Variants in DCC observed in about 807,000 individuals in gnomAD.
DCC encodes netrin receptor DCC.
In DCC, 58 loss-of-function variants were observed where a neutral mutation model predicts 172.5. That is an observed-to-expected ratio of 0.34 (90% CI 0.27 to 0.42). The LOEUF (loss-of-function observed/expected upper bound fraction) is 0.42, where lower values mean the gene tolerates loss of function less well. Among genes scored for constraint, DCC ranks in the 10% least tolerant of loss-of-function variants. The pLI is 1.00. For missense variants in DCC, 1,740 were observed against 1,791.0 expected (o/e 0.97, Z 0.51); for synonymous variants, 709 against 644.5 (o/e 1.10, Z -1.52).
At chr18:52,380,631 T>C (rs1036211362) in intron 1 of DCC, among the ~76,000 whole-genome samples, 3 of 152,154 alleles carry the variant, frequency 2.0e-5, no homozygotes, top group African/African-American at 7.2e-5. Context: ...CTGAATATCT[T>C]AGGTGATTTT....
intron 12 of DCC, among the ~76,000 whole-genome samples, chr18:53,255,712 C>CT (rs2056501271): frequency 6.6e-6 from 1 of 152,046 alleles, no homozygotes; most frequent in Non-Finnish European, 1.5e-5. Context: ...TTTTATATTC[C>CT]TTTGGGTATA....
intron 8 of DCC, 78 bp from the exon 9 acceptor site, chr18:53,178,884 C>CTCT: frequency 2.0e-6 from 3 of 1,528,262 alleles, no homozygotes; most frequent in Non-Finnish European, 2.7e-6. Flanking sequence ...CACCTCACTA[C>CTCT]TCTTGCACAT....
At chr18:52,874,138 C>A (rs1431748) in intron 2 of DCC, among the ~76,000 whole-genome samples, 85,540 of 152,000 alleles carry the variant, frequency 0.56, 24,661 homozygotes, top group Non-Finnish European at 0.64. Context: ...AACACTTACC[C>A]TAAACTTAAA....
At position 53,459,266 on chromosome 18, in the gene DCC, G is replaced by A. The variant is rs948508381; in HGVS notation, c.3427G>A (p.Gly1143Ser). 43 of 1,613,950 alleles carry A rather than the reference G, an allele frequency of 2.7e-5. No individual in the cohort carries two copies. Among genetic ancestry groups the A allele is most frequent in the Non-Finnish European group, 3.4e-5 (40 of 1,179,992 alleles). ...RATHSAGKRK[G>S]SQKDLRPPDL... ...CACCCACAGTGCTGGCAAAAGGAAG[G>A]GCAGCCAGAAGGACCTCCGACCCCC... Residue 1143 changes from glycine (G) to serine (S), a missense_variant, in exon 24 of 29, where the codon GGC (glycine) becomes AGC (serine). By Grantham distance (56) the Gly-to-Ser change is moderately conservative (BLOSUM62 0). This residue lies in a region of DCC where 1,732 missense variants were observed against 1,767.4 expected (regional missense o/e 0.98). Coordinates refer to ENST00000442544, the MANE Select transcript of DCC (RefSeq NM_005215.4).
At chr18:52,775,739 C>T (rs763839695) in intron 2 of DCC, among the ~76,000 whole-genome samples, 1 of 152,210 alleles carries the variant, frequency 6.6e-6, no homozygotes, top group Non-Finnish European at 1.5e-5. Flanking sequence ...ATGTGCTCCT[C>T]TTGACGTCTG....
chr18:52,471,993 A>T (rs1671297), intron 1 of DCC, among the ~76,000 whole-genome samples: 2 of 152,072 alleles, frequency 1.3e-5, no homozygotes, highest in Non-Finnish European at 1.5e-5. Flanking sequence ...GAAGGGAGGA[A>T]GGGATCTTCT....
At chr18:52,583,442 C>A (rs1369025958) in intron 1 of DCC, among the ~76,000 whole-genome samples, 1 of 152,096 alleles carries the variant, frequency 6.6e-6, no homozygotes, top group Admixed American at 6.6e-5. Context: ...TTTATTTTTA[C>A]TTTTATACTT....
chr18:52,417,705 C>A (rs1051600275), intron 1 of DCC, among the ~76,000 whole-genome samples: 1 of 152,214 alleles, frequency 6.6e-6, no homozygotes, highest in African/African-American at 2.4e-5. Flanking sequence ...GTTCTCGAGC[C>A]TTGGCTTTCA....
At chr18:52,563,111 A>G (rs552509417) in intron 1 of DCC, among the ~76,000 whole-genome samples, 27 of 152,314 alleles carry the variant, frequency 1.8e-4, no homozygotes, top group South Asian at 1.2e-3. Context: ...GGCAATTTTC[A>G]TCACATCCTC....
At chr18:53,524,416 C>G (rs1326036405) in intron 27 of DCC, among the ~76,000 whole-genome samples, 2 of 151,940 alleles carry the variant, frequency 1.3e-5, no homozygotes, top group African/African-American at 4.8e-5. Flanking sequence ...GCCCAACAAT[C>G]TCATTTATCA....
intron 1 of DCC, among the ~76,000 whole-genome samples, chr18:52,691,707 A>C (rs1412180820): frequency 6.6e-6 from 1 of 152,146 alleles, no homozygotes; most frequent in African/African-American, 2.4e-5. Flanking sequence ...TCTCCAAATA[A>C]GTTTATATTC....
chr18:53,219,274 T>C (rs2055896153), intron 12 of DCC, among the ~76,000 whole-genome samples: 1 of 152,130 alleles, frequency 6.6e-6, no homozygotes, highest in Non-Finnish European at 1.5e-5. Flanking sequence ...ATCTCTAAAA[T>C]CTCCTGTGGC....
At chr18:52,883,350 A>ATGTG (rs1172759213) in intron 2 of DCC, among the ~76,000 whole-genome samples, 2,353 of 33,852 alleles carry the variant, frequency 0.07, 49 homozygotes, top group East Asian at 0.19. Context: ...TTATTTATTT[A>ATGTG]TGTGTGTGTG....
At chr18:52,510,986 G>A (rs1418950265) in intron 1 of DCC, among the ~76,000 whole-genome samples, 1 of 152,074 alleles carries the variant, frequency 6.6e-6, no homozygotes, top group Non-Finnish European at 1.5e-5. Flanking sequence ...TAGCTCTAGG[G>A]TAAACTATAA....
chr18:52,800,048 TTAAA>T (rs558336583), intron 2 of DCC, among the ~76,000 whole-genome samples: 96 of 152,344 alleles, frequency 6.3e-4, no homozygotes, highest in African/African-American at 2.1e-3. Flanking sequence ...CTGAACTAGT[TTAAA>T]TAATTTTTCT....
At chr18:52,824,289 A>G (rs936179888) in intron 2 of DCC, among the ~76,000 whole-genome samples, 8 of 152,208 alleles carry the variant, frequency 5.3e-5, no homozygotes, top group Non-Finnish European at 1.2e-4. Context: ...TGTCTTGTGA[A>G]TGATGGCAGG....
intron 5 of DCC, 83 bp downstream of exon 5, chr18:52,925,453 AT>A: frequency 7.3e-7 from 1 of 1,372,060 alleles, no homozygotes; most frequent in East Asian, 2.3e-5. Context: ...CACTGAATTG[AT>A]TCCTATGTTT....
At chr18:53,523,955 AAG>A (rs2046428155) in intron 27 of DCC, among the ~76,000 whole-genome samples, 1 of 149,918 alleles carries the variant, frequency 6.7e-6, no homozygotes, top group African/African-American at 2.5e-5. Context: ...TTAATAAAAA[AAG>A]AAATAGTAAA....
chr18:52,588,832 A>G (rs1440070684), intron 1 of DCC, among the ~76,000 whole-genome samples: 2 of 152,272 alleles, frequency 1.3e-5, no homozygotes, highest in African/African-American at 4.8e-5. Context: ...AGAAGCCATT[A>G]AAGAGCTTTA....
Sources: gnomAD v4.1 joint callset for allele counts (sites outside exome capture counted in the v4.1 genomes callset) on GRCh38, gnomAD v4.1.1 for gene constraint, gnomAD v4.1.1 regional missense constraint, MANE v1.5 for transcripts, NCBI Gene and HGNC (gene_info 2026-07-23, HGNC 2026-07-21) for gene names.